APP: variants seen among roughly 807,000 people sequenced by gnomAD.
APP encodes the protein amyloid beta precursor protein.
APP carries 31 observed loss-of-function variants against 101.4 expected under a neutral mutation model. That is an observed-to-expected ratio of 0.31 (90% confidence interval 0.23 to 0.41). The LOEUF (loss-of-function observed/expected upper bound fraction) is 0.41. Ranked by LOEUF, APP falls within the 10% of genes least tolerant of loss-of-function variation. The pLI is 1.00. For missense variants in APP, 839 were observed against 1,003.7 expected, an observed-to-expected ratio of 0.84 and a Z score of 2.22; for synonymous variants, 366 against 364.4, an observed-to-expected ratio of 1.00 and a Z score of -0.05.
chr21:26,026,307 G>A (rs1370861936), intron 5 of APP, among the ~76,000 whole-genome samples: 2 of 152,122 alleles, frequency 1.3e-5, no homozygotes, highest in Non-Finnish European at 2.9e-5. Context: ...CAGAACAAGG[G>A]AACCATCTGA....
At chr21:26,047,966 T>C (rs1283136746) in intron 5 of APP, among the ~76,000 whole-genome samples, 5 of 152,212 alleles carry the variant, frequency 3.3e-5, no homozygotes. Flanking sequence ...AAATAAAATG[T>C]TGTTAAAATT....
At chr21:26,092,677 A>G (rs977260059) in intron 2 of APP, among the ~76,000 whole-genome samples, 1 of 152,168 alleles carries the variant, frequency 6.6e-6, no homozygotes, top group Non-Finnish European at 1.5e-5. Flanking sequence ...GAAACTATGG[A>G]CTTTGGGTGC....
intron 1 of APP, among the ~76,000 whole-genome samples, chr21:26,132,202 C>T (rs2062811153): frequency 6.6e-6 from 1 of 152,100 alleles, no homozygotes; most frequent in South Asian, 2.1e-4. Flanking sequence ...ACTCCAGCCT[C>T]ACATAGGGAG....
At chr21:26,029,957 T>TA (rs1167084929) in intron 5 of APP, among the ~76,000 whole-genome samples, 4 of 151,614 alleles carry the variant, frequency 2.6e-5, no homozygotes, top group Non-Finnish European at 5.9e-5. Flanking sequence ...AGTGAATTTC[T>TA]AAAAAAAAAT....
intron 6 of APP, among the ~76,000 whole-genome samples, chr21:26,002,081 T>C (rs1267696323): frequency 2.0e-5 from 3 of 152,226 alleles, no homozygotes; most frequent in Non-Finnish European, 4.4e-5. Flanking sequence ...GCGTGGACTT[T>C]GAAAGCAGCA....
chr21:25,891,301 A>G (rs2037681819), intron 17 of APP, among the ~76,000 whole-genome samples: 1 of 152,242 alleles, frequency 6.6e-6, no homozygotes, highest in African/African-American at 2.4e-5. Context: ...CAGACTATTT[A>G]AGACAAAAGA....
At chr21:25,940,355 A>G (rs544205378) in intron 13 of APP, among the ~76,000 whole-genome samples, 1 of 152,282 alleles carries the variant, frequency 6.6e-6, no homozygotes, top group East Asian at 1.9e-4. Flanking sequence ...ATTAGAAAAG[A>G]CTGAACATTT....
chr21:26,116,450 C>A (rs3787650), intron 1 of APP, among the ~76,000 whole-genome samples: 9 of 152,184 alleles, frequency 5.9e-5, no homozygotes, highest in Non-Finnish European at 1.2e-4. Flanking sequence ...GGAAACCCTA[C>A]GCCTACAGTT....
intron 2 of APP, among the ~76,000 whole-genome samples, chr21:26,090,603 G>C (rs991979950): frequency 6.6e-6 from 1 of 152,190 alleles, no homozygotes; most frequent in Non-Finnish European, 1.5e-5. Context: ...GAGGGGGAAA[G>C]GAGGATTCTT....
intron 13 of APP, 81 bp downstream of exon 13, chr21:25,954,509 A>T (rs943466190): frequency 1.5e-5 from 19 of 1,247,908 alleles, no homozygotes; most frequent in African/African-American, 1.2e-4. Flanking sequence ...CATATTCCTC[A>T]AACAGATAAC....
chr21:26,080,529 G>A (rs1487228606), intron 3 of APP, among the ~76,000 whole-genome samples: 1 of 151,878 alleles, frequency 6.6e-6, no homozygotes, highest in Non-Finnish European at 1.5e-5. Context: ...AGTACTTTGG[G>A]AGGCTGAGGC....
chr21:26,103,673 C>T (rs902718295), intron 2 of APP, among the ~76,000 whole-genome samples: 1 of 152,146 alleles, frequency 6.6e-6, no homozygotes, highest in East Asian at 1.9e-4. Context: ...GTATAGGCTC[C>T]ATTTTATGGG....
chr21:25,947,356 C>T (rs1042907783), intron 13 of APP, among the ~76,000 whole-genome samples: 3 of 152,298 alleles, frequency 2.0e-5, no homozygotes, highest in Middle Eastern at 3.4e-3. Flanking sequence ...CTCAAGTCTG[C>T]AGACAGACCA....
chr21:26,001,790 C>T lies in APP; in HGVS notation c.866-1608G>A, dbSNP rs999388047. Among the ~76,000 whole-genome samples the T allele has an allele frequency of 2.0e-5, 3 of 152,258 alleles. 1 individual carries two copies. The highest frequency in any genetic ancestry group is 4.1e-4 in the South Asian group (2 of 4,828). ...CTGGGATTACAGGCGTGAGCCACTGCCACTGGTCCTTCAACAGATTGATTC... is the reference window on the plus strand; with the variant it reads ...CTGGGATTACAGGCGTGAGCCACTGTCACTGGTCCTTCAACAGATTGATTC... On this transcript the variant is annotated intron_variant, in intron 6 of 17. Transcript: ENST00000346798.
At chr21:26,069,805 C>G (rs1195217447) in intron 3 of APP, among the ~76,000 whole-genome samples, 5 of 152,102 alleles carry the variant, frequency 3.3e-5, no homozygotes, top group Non-Finnish European at 7.4e-5. Context: ...AAAAAGCAAA[C>G]TTGTATCTTA....
At position 26,163,912 on chromosome 21, in the gene APP, T is replaced by C. The variant is rs45490492; in HGVS notation, c.57+6652A>G. Among the ~76,000 whole-genome samples the C allele has an allele frequency of 8.0e-4, 122 of 152,336 alleles. 1 individual carries two copies. Among genetic ancestry groups the C allele is most frequent in the Admixed American group, 2.9e-3 (45 of 15,310 alleles). ...ATTAAACAGCAGATCACTATAAAGT[T>C]TTAAAGATGTAACAGCCATAACATG... On this transcript the variant is annotated intron_variant, in intron 1 of 17. Coordinates refer to ENST00000346798, the MANE Select transcript of APP (RefSeq NM_000484.4).
In APP at chr21:26,125,610, C is replaced by T. The variant is rs116431500; in HGVS notation, c.58-13464G>A. 5.1e-3 allele frequency among the ~76,000 whole-genome samples: 778 copies of T among 151,854 alleles called. 11 individuals are homozygous for T. Among genetic ancestry groups the T allele is most frequent in the African/African-American group, 0.018 (736 of 41,366 alleles). ...TTAGGGGGTGAGTCTAGAGTGCTTTCATGGCCAAGGTCAACAGGCATTATT... is the reference window on the plus strand; with the variant it reads ...TTAGGGGGTGAGTCTAGAGTGCTTTTATGGCCAAGGTCAACAGGCATTATT... On this transcript the variant is annotated intron_variant, in intron 1 of 17. Transcript: ENST00000346798.
chr21:25,893,391 AGTGG>A (rs2037823228), intron 16 of APP, among the ~76,000 whole-genome samples: 2 of 152,242 alleles, frequency 1.3e-5, no homozygotes, highest in Non-Finnish European at 2.9e-5. Context: ...AATTAAGCTT[AGTGG>A]GCAAGGCATA....
chr21:25,954,506 C>T, intron 13 of APP, 84 bp downstream of exon 13: 5 of 1,222,750 alleles, frequency 4.1e-6, no homozygotes, highest in Non-Finnish European at 5.9e-6. Flanking sequence ...TTCCATATTC[C>T]TCAAACAGAT....
Sources: allele counts gnomAD v4.1 joint callset (sites outside exome capture counted in the v4.1 genomes callset), GRCh38; gene constraint gnomAD v4.1.1; transcripts MANE v1.5; gene names NCBI Gene and HGNC (gene_info 2026-07-23, HGNC 2026-07-21).